The following EPHB2 variants were observed in gnomAD, a reference collection of about 807,000 sequenced individuals.
EPHB2 encodes the protein ephrin type-B receptor 2.
EPHB2 carries 18 observed loss-of-function variants against 96.4 expected under a neutral mutation model. That is an observed-to-expected ratio of 0.19 (90% confidence interval 0.13 to 0.28). The LOEUF is 0.28. EPHB2 is among the 10% of genes least tolerant of loss of function. EPHB2 has a pLI of 1.00. For missense variants in EPHB2, 989 were observed against 1,355.4 expected (o/e 0.73, Z 4.25); for synonymous variants, 506 against 534.1 (o/e 0.95, Z 0.72).
Position 22,721,461 on chromosome 1 carries a change from A to G in EPHB2, c.61+10418A>G, listed in dbSNP as rs532654898. ...TGTGAGCTGGCCTGCGTTGTGAATG[A>G]GTGAGGTGACTTGACTGTTGGAAGT... is the stretch of plus-strand genomic sequence containing the variant. On this transcript the variant is annotated intron_variant, in intron 1 of 15. Transcript: ENST00000374630. Among the ~76,000 whole-genome samples the G allele has an allele frequency of 2.4e-4, 37 of 152,278 alleles. 2 individuals carry two copies. In the South Asian group the frequency reaches 7.1e-3, roughly 29 times the overall value.
chr1:22,746,537 G>T (rs1288449112), intron 1 of EPHB2, among the ~76,000 whole-genome samples: 1 of 152,244 alleles, frequency 6.6e-6, no homozygotes, highest in Non-Finnish European at 1.5e-5. Flanking sequence ...CACACTTGGA[G>T]CAACAGGAAG....
At chr1:22,819,942 G>A (rs1645129960) in intron 3 of EPHB2, among the ~76,000 whole-genome samples, 1 of 151,922 alleles carries the variant, frequency 6.6e-6, no homozygotes, top group Non-Finnish European at 1.5e-5. Context: ...GACCAGCCTG[G>A]TCATACCCAC....
chr1:22,758,462 C>T (rs1453819362), intron 1 of EPHB2, among the ~76,000 whole-genome samples: 1 of 152,034 alleles, frequency 6.6e-6, no homozygotes, highest in Non-Finnish European at 1.5e-5. Context: ...CAAGGTCCAT[C>T]CTGGTCTGGG....
chr1:22,814,999 C>G (rs1463758544), intron 3 of EPHB2, among the ~76,000 whole-genome samples: 2 of 152,248 alleles, frequency 1.3e-5, no homozygotes, highest in Non-Finnish European at 2.9e-5. Flanking sequence ...CGCGTGAAGG[C>G]TGCCAGGTGC....
chr1:22,808,662 A>G (rs1644962425), intron 3 of EPHB2, among the ~76,000 whole-genome samples: 1 of 152,248 alleles, frequency 6.6e-6, no homozygotes, highest in Non-Finnish European at 1.5e-5. Flanking sequence ...ACTGAGTGAT[A>G]TTTATATACC....
intron 1 of EPHB2, among the ~76,000 whole-genome samples, chr1:22,744,276 C>T (rs2148369787): frequency 6.6e-6 from 1 of 152,048 alleles, no homozygotes; most frequent in South Asian, 2.1e-4. Context: ...TACATTTGAC[C>T]CTTGAACAAT....
intron 3 of EPHB2, among the ~76,000 whole-genome samples, chr1:22,801,946 C>T (rs554697468): frequency 7.2e-5 from 11 of 152,352 alleles, no homozygotes; most frequent in East Asian, 1.9e-4. Flanking sequence ...CGCCGAATCC[C>T]GCCTCAGCCC....
intron 1 of EPHB2, among the ~76,000 whole-genome samples, chr1:22,770,610 A>G (rs1644368221): frequency 6.6e-6 from 1 of 152,234 alleles, no homozygotes; most frequent in Non-Finnish European, 1.5e-5. Context: ...ACAGTTAGAA[A>G]TAAAGTGAGA....
At position 22,858,169 on chromosome 1, in the gene EPHB2, C is replaced by A; in HGVS notation, c.812-4868C>A. 6.6e-6 allele frequency among the ~76,000 whole-genome samples: 1 copy of A among 152,064 alleles called. No individual in the cohort carries two copies. The highest frequency in any genetic ancestry group is 1.9e-4 in the East Asian group (1 of 5,184). On this transcript the variant is annotated intron_variant, in intron 3 of 15. Coordinates refer to ENST00000374630, the MANE Select transcript of EPHB2 (RefSeq NM_017449.5). The surrounding 1 kb of genome is among the most constrained non-coding windows in gnomAD (Gnocchi z 7.7). ...TTCCGGGCAGAGGGAACAGCTTGGC[C>A]AAAGGCCTGGAGGTGAGAGCGCATT... is the stretch of plus-strand genomic sequence containing the variant.
At chr1:22,828,952 G>T (rs886644026) in intron 3 of EPHB2, among the ~76,000 whole-genome samples, 8 of 152,306 alleles carry the variant, frequency 5.3e-5, no homozygotes, top group African/African-American at 1.9e-4. Flanking sequence ...AAACACACAC[G>T]CATAGAATAT....
intron 1 of EPHB2, among the ~76,000 whole-genome samples, chr1:22,717,861 G>A (rs1042517507): frequency 5.9e-5 from 9 of 152,146 alleles, no homozygotes; most frequent in Admixed American, 2.6e-4. Flanking sequence ...AGACTGCTCC[G>A]TACTGTGTGT....
intron 1 of EPHB2, among the ~76,000 whole-genome samples, chr1:22,762,504 T>C (rs945533295): frequency 6.6e-6 from 1 of 152,136 alleles, no homozygotes; most frequent in Non-Finnish European, 1.5e-5. Context: ...TTTCCTCCTC[T>C]GTCCAGTGAG....
intron 1 of EPHB2, among the ~76,000 whole-genome samples, chr1:22,717,907 T>C (rs1329658944): frequency 6.6e-6 from 1 of 152,184 alleles, no homozygotes; most frequent in African/African-American, 2.4e-5. Flanking sequence ...TGAGCCTTGG[T>C]TTCCTCATCT....
rs934374661 is a variant in EPHB2 at position 22,738,346 on chromosome 1, T to G, written c.61+27303T>G. ...TTCTAGCTCCCCAAACCCTCAAGCA[T>G]GTAGTGATGATAGTCATGAGAATAA... is the stretch of plus-strand genomic sequence containing the variant. On this transcript the variant is annotated intron_variant, in intron 1 of 15. Transcript: ENST00000374630. Among the ~76,000 whole-genome samples, 29 of 152,156 alleles carry G rather than the reference T, an allele frequency of 1.9e-4. 1 individual carries two copies. Among genetic ancestry groups the G allele is most frequent in the African/African-American group, 6.3e-4 (26 of 41,428 alleles).
intron 6 of EPHB2, among the ~76,000 whole-genome samples, chr1:22,889,506 C>T (rs1639326347): frequency 6.6e-6 from 1 of 152,224 alleles, no homozygotes; most frequent in African/African-American, 2.4e-5. Context: ...TGAACACTTA[C>T]TGTGTGGCAA....
intron 6 of EPHB2, chr1:22,891,393 A>C: frequency 2.9e-6 from 1 of 349,854 alleles, no homozygotes; most frequent in Non-Finnish European, 5.6e-6. Flanking sequence ...TTTCGTCAGA[A>C]AAAAATTGTC....
At chr1:22,754,837 G>GC (rs1644119519) in intron 1 of EPHB2, among the ~76,000 whole-genome samples, 2 of 79,814 alleles carry the variant, frequency 2.5e-5, no homozygotes, top group Non-Finnish European at 5.5e-5. Context: ...AGGGGCAGGG[G>GC]AGGGGAGGTG....
chr1:22,797,427 A>C (rs1570294424), intron 3 of EPHB2, among the ~76,000 whole-genome samples: 1 of 150,514 alleles, frequency 6.6e-6, no homozygotes, highest in African/African-American at 2.5e-5. Context: ...ACCCCCCTCC[A>C]CCTCTCGCTC....
intron 5 of EPHB2, among the ~76,000 whole-genome samples, chr1:22,870,522 G>A (rs1263330290): frequency 6.6e-6 from 1 of 152,184 alleles, no homozygotes; most frequent in East Asian, 1.9e-4. Flanking sequence ...CAGAGGCTGA[G>A]CCTTAGGGTG....
Sources: allele counts gnomAD v4.1 joint callset (sites outside exome capture counted in the v4.1 genomes callset), GRCh38; gene constraint gnomAD v4.1.1; non-coding constraint Gnocchi (gnomAD v3.1); transcripts MANE v1.5; gene names NCBI Gene and HGNC (gene_info 2026-07-23, HGNC 2026-07-21).